The following CD44 variants were observed in gnomAD, a reference collection of about 807,000 sequenced individuals.
CD44 encodes the protein CD44 molecule (IN blood group), also known as CD44 antigen.
Under a neutral mutation model 88.8 loss-of-function variants are expected in CD44, and 49 were observed. That is an observed-to-expected ratio of 0.55 (90% CI 0.44 to 0.70). CD44 has a LOEUF of 0.70. CD44 is among the 30% of genes least tolerant of loss of function. CD44 has a pLI of 0.00. For missense variants in CD44, 883 were observed against 913.8 expected (o/e 0.97, Z 0.43); for synonymous variants, 325 against 312.3 (o/e 1.04, Z -0.43).
chr11:35,218,331 CCTT>C, intron 15 of CD44, among the ~76,000 whole-genome samples: 1 of 152,106 alleles, frequency 6.6e-6, no homozygotes, highest in Non-Finnish European at 1.5e-5. Flanking sequence ...CCGCTAAACT[CCTT>C]ATTTATTTAT....
chr11:35,190,214 G>T lies in CD44; in HGVS notation c.667+149G>T, dbSNP rs893058644. 12 of 672,794 alleles carry T rather than the reference G, an allele frequency of 1.8e-5. No homozygotes were observed. In the East Asian group the frequency reaches 3.3e-4, roughly 18 times the overall value. 41.7% of individuals were successfully genotyped at this position (672,794 alleles called of 1,614,324 possible). A position where few individuals can be genotyped will look rare whatever the true frequency, so the allele number is the denominator to read the frequency against. On this transcript the variant is annotated intron_variant, in intron 5 of 17. Transcript: ENST00000428726. Reference sequence around the variant, plus strand: ...GCCATTCAGGGAGGTGGGCTCTTGTGGTTGTCAGTAAACTGCCTGCATTGA... The same window carrying T: ...GCCATTCAGGGAGGTGGGCTCTTGTTGTTGTCAGTAAACTGCCTGCATTGA...
chr11:35,147,334 T>C (rs1453215167), intron 1 of CD44, among the ~76,000 whole-genome samples: 1 of 152,114 alleles, frequency 6.6e-6, no homozygotes, highest in African/African-American at 2.4e-5. Context: ...GGGCTGTACA[T>C]ATCCAGGGCA....
intron 1 of CD44, among the ~76,000 whole-genome samples, chr11:35,151,682 G>T (rs973139775): frequency 6.6e-6 from 1 of 152,188 alleles, no homozygotes; most frequent in African/African-American, 2.4e-5. Flanking sequence ...GGAGCAGCAG[G>T]CTTTCTTTGT....
At chr11:35,207,970 G>A (rs1189108551) in intron 11 of CD44, 135 bp from the exon 12 acceptor site, 2 of 606,750 alleles carry the variant, frequency 3.3e-6, no homozygotes, top group Non-Finnish European at 6.0e-6. Context: ...TCTCAGTTCG[G>A]GAGATATAGT....
intron 1 of CD44, among the ~76,000 whole-genome samples, chr11:35,160,771 A>T (rs1942493232): frequency 6.6e-6 from 1 of 152,190 alleles, no homozygotes; most frequent in Non-Finnish European, 1.5e-5. Context: ...GTTAACATTT[A>T]TTGTACACCA....
chr11:35,167,429 CA>C (rs1471288494), intron 1 of CD44, among the ~76,000 whole-genome samples: 1 of 152,184 alleles, frequency 6.6e-6, no homozygotes, highest in Non-Finnish European at 1.5e-5. Flanking sequence ...ATCCAATTAA[CA>C]ATAATGCTTT....
Position 35,139,185 on chromosome 11 carries a change from GA to G in CD44, c.-118del. 1.3e-6 allele frequency: 1 copy of G among 745,664 alleles called. No individual in the cohort carries two copies. The highest frequency in any genetic ancestry group is 2.7e-5 in the East Asian group (1 of 37,146). 46.2% of individuals were successfully genotyped at this position (745,664 alleles called of 1,614,324 possible). A position where few individuals can be genotyped will look rare whatever the true frequency, so the allele number is the denominator to read the frequency against. On this transcript the variant is annotated 5_prime_UTR_variant, in exon 1 of 18. Coordinates refer to ENST00000428726, the MANE Select transcript of CD44 (RefSeq NM_000610.4). ...TCCGAGGCAGCCTCATTGCCCAGCG[GA>G]CCCCAGCCTCTGCCAGGTTCGGTCC...
chr11:35,212,186 TA>T (rs1217750357), intron 14 of CD44, among the ~76,000 whole-genome samples: 1 of 152,054 alleles, frequency 6.6e-6, no homozygotes, highest in East Asian at 1.9e-4. Context: ...ATTAAGAAAT[TA>T]ACAGTGAAGA....
intron 1 of CD44, among the ~76,000 whole-genome samples, chr11:35,166,998 A>T (rs1943349363): frequency 6.6e-6 from 1 of 152,222 alleles, no homozygotes; most frequent in Non-Finnish European, 1.5e-5. Context: ...GGGGCGAGTG[A>T]TGTGCCAGCC....
At chr11:35,222,482 G>T (rs1949383020) in intron 17 of CD44, 2 of 1,240,330 alleles carry the variant, frequency 1.6e-6, no homozygotes, top group African/African-American at 1.6e-5. Context: ...ACAACTAAAT[G>T]AAGACAGTCA....
intron 1 of CD44, among the ~76,000 whole-genome samples, chr11:35,173,469 G>A (rs1046116478): frequency 2.0e-5 from 3 of 152,212 alleles, no homozygotes; most frequent in Non-Finnish European, 2.9e-5. Context: ...AGTGCTGCAT[G>A]AGTGGCTTAA....
In CD44 at chr11:35,143,193, C is replaced by A. The variant is rs140011084; in HGVS notation, c.67+3823C>A. Among the ~76,000 whole-genome samples, 296 of 152,026 alleles carry A rather than the reference C, an allele frequency of 1.9e-3. 1 individual carries two copies. Among genetic ancestry groups the A allele is most frequent in the African/African-American group, 7.0e-3 (288 of 41,426 alleles). On this transcript the variant is annotated intron_variant, in intron 1 of 17. Coordinates refer to ENST00000428726, the MANE Select transcript of CD44 (RefSeq NM_000610.4). ...ACCATATAGCAATGTTGGTGTTCGA[C>A]AATGATTCTCTGTATTGTCCTGGGG...
chr11:35,227,633 A>G (rs1949797056), intron 17 of CD44, among the ~76,000 whole-genome samples: 1 of 152,160 alleles, frequency 6.6e-6, no homozygotes, highest in African/African-American at 2.4e-5. Flanking sequence ...CCTGTTGAGG[A>G]GGTATAATTT....
chr11:35,139,694 G>C, intron 1 of CD44: 1 of 582,934 alleles, frequency 1.7e-6, no homozygotes, highest in Non-Finnish European at 3.3e-6. Context: ...CACAGTCGTT[G>C]TCTGGACTAA....
intron 1 of CD44, among the ~76,000 whole-genome samples, chr11:35,170,832 G>A (rs1303292152): frequency 1.3e-5 from 2 of 152,218 alleles, no homozygotes; most frequent in Non-Finnish European, 2.9e-5. Context: ...AGCATGGCTA[G>A]CACCATTGCC....
At position 35,211,423 on chromosome 11, in the gene CD44, A is replaced by T. The variant is rs753473026; in HGVS notation, c.1784A>T (p.Asn595Ile). The T allele has an allele frequency of 1.6e-5, 26 of 1,612,832 alleles. No homozygotes were observed. The South Asian group carries it at 2.6e-4, about 16-fold the overall frequency. ...GVTAVTVGDS[N>I]SNVNRSLSGD... is the part of the protein sequence containing the mutation. Reference sequence around the variant, plus strand: ...ACTGCAGTTACTGTTGGAGATTCCAACTCTAATGTCAATCGTTCCTTATCA... The same window carrying T: ...ACTGCAGTTACTGTTGGAGATTCCATCTCTAATGTCAATCGTTCCTTATCA... The change falls in exon 14 of 18, where the codon AAC becomes ATC. Residue 595 changes from asparagine to isoleucine, a missense_variant. Around this residue, in one of 2 missense-constraint regions of CD44, gnomAD observed 631 missense variants for 590.9 expected, o/e 1.07. Transcript: ENST00000428726.
chr11:35,167,514 C>T (rs1410640586), intron 1 of CD44, among the ~76,000 whole-genome samples: 2 of 152,196 alleles, frequency 1.3e-5, no homozygotes, highest in East Asian at 1.9e-4. Flanking sequence ...ATTAGTTGTG[C>T]AATCTGTTTT....
At chr11:35,204,076 A>G (rs1052431179) in intron 9 of CD44, among the ~76,000 whole-genome samples, 3 of 152,194 alleles carry the variant, frequency 2.0e-5, no homozygotes, top group Middle Eastern at 3.2e-3. Context: ...CCACCATTTG[A>G]GAAGGTCTCC....
chr11:35,154,277 G>C (rs1357947378), intron 1 of CD44, among the ~76,000 whole-genome samples: 2 of 152,140 alleles, frequency 1.3e-5, no homozygotes, highest in Non-Finnish European at 2.9e-5. Flanking sequence ...GGTTTACAGG[G>C]TGTCTTTCAA....
Sources: allele counts gnomAD v4.1 joint callset (sites outside exome capture counted in the v4.1 genomes callset), GRCh38; gene constraint gnomAD v4.1.1; regional missense constraint gnomAD v4.1.1; transcripts MANE v1.5; gene names NCBI Gene and HGNC (gene_info 2026-07-23, HGNC 2026-07-21).